Variants in HSD17B12 observed in about 807,000 individuals in gnomAD.
HSD17B12 encodes very-long-chain 3-oxoacyl-CoA reductase.
A neutral mutation model predicts 39.3 loss-of-function variants in HSD17B12; 32 were observed. The observed-to-expected ratio is 0.81, with a 90% CI of 0.61 to 1.09. The LOEUF is 1.09. Ranked by LOEUF, HSD17B12 falls within the 50% of genes least tolerant of loss-of-function variation. The pLI is 0.00. For missense variants in HSD17B12, 342 were observed against 382.9 expected, an observed-to-expected ratio of 0.89 and a Z score of 0.89; for synonymous variants, 150 against 146.7, an observed-to-expected ratio of 1.02 and a Z score of -0.16.
rs567860319 is a variant in HSD17B12, at chr11:43,746,419, C to T, written c.161-4492C>T. Among the ~76,000 whole-genome samples the T allele has an allele frequency of 1.9e-3, 282 of 152,160 alleles. 7 individuals carry two copies. Among genetic ancestry groups the T allele is most frequent in the Non-Finnish European group, 2.5e-4 (17 of 68,008 alleles). ...TAAAAACAGAGATATAAAACATACA[C>T]ACTGGCCTGGGCCTACACCAGGTCA... On this transcript the variant is annotated intron_variant, in intron 1 of 10. Coordinates refer to ENST00000278353, the MANE Select transcript of HSD17B12 (RefSeq NM_016142.3).
chr11:43,623,418 A>G, the HSD17B12 span, among the ~76,000 whole-genome samples: 1 of 151,884 alleles, frequency 6.6e-6, no homozygotes. Context: ...ATATTCCTCA[A>G]ACAACATGAT....
intron 3 of HSD17B12, chr11:43,755,498 T>C (rs1431919966): frequency 1.3e-5 from 2 of 152,238 alleles, no homozygotes; most frequent in Admixed American, 6.5e-5. Context: ...CATTTATACA[T>C]GGTTTAAGTG....
chr11:43,807,828 A>T (rs570567287), intron 4 of HSD17B12, among the ~76,000 whole-genome samples: 3 of 152,268 alleles, frequency 2.0e-5, no homozygotes, highest in Admixed American at 2.0e-4. Context: ...AAAGAAGAAG[A>T]AGAATGGTTT....
At chr11:43,634,576 C>T in the HSD17B12 span, among the ~76,000 whole-genome samples, 4 of 152,294 alleles carry the variant, frequency 2.6e-5, no homozygotes, top group South Asian at 2.1e-4. Flanking sequence ...TGTGTGACTA[C>T]GTTTAAGTAT....
chr11:43,610,832 A>C, the HSD17B12 span, among the ~76,000 whole-genome samples: 1 of 152,192 alleles, frequency 6.6e-6, no homozygotes, highest in Non-Finnish European at 1.5e-5. Context: ...CACACTGAGT[A>C]TGCATGCACT....
chr11:43,690,395 TATATATA>T (rs1949849142), intron 1 of HSD17B12, among the ~76,000 whole-genome samples: 3 of 35,512 alleles, frequency 8.4e-5, no homozygotes, highest in African/African-American at 1.5e-4. Flanking sequence ...TATATATATA[TATATATA>T]TATTTTTTTT....
intron 1 of HSD17B12, among the ~76,000 whole-genome samples, chr11:43,744,720 G>T (rs1457869949): frequency 6.6e-6 from 1 of 152,146 alleles, no homozygotes; most frequent in East Asian, 1.9e-4. Flanking sequence ...ATCAATATTG[G>T]TTCATGTGTA....
At chr11:43,653,516 G>A in the HSD17B12 span, among the ~76,000 whole-genome samples, 1 of 151,704 alleles carries the variant, frequency 6.6e-6, no homozygotes, top group African/African-American at 2.4e-5. Context: ...TTGTCATTTA[G>A]CATTAGGTAT....
chr11:43,710,410 A>G (rs757768741), intron 1 of HSD17B12, among the ~76,000 whole-genome samples: 13 of 152,170 alleles, frequency 8.5e-5, no homozygotes, highest in African/African-American at 1.2e-4. Flanking sequence ...TTTTACTTGA[A>G]CCATCTTTTG....
intron 6 of HSD17B12, among the ~76,000 whole-genome samples, chr11:43,828,705 A>G (rs1308676760): frequency 6.6e-6 from 1 of 152,184 alleles, no homozygotes; most frequent in Non-Finnish European, 1.5e-5. Flanking sequence ...GAGCTGTGAA[A>G]TGGAGTTCAG....
At chr11:43,801,203 A>AGC (rs1950964246) in intron 4 of HSD17B12, among the ~76,000 whole-genome samples, 1 of 152,138 alleles carries the variant, frequency 6.6e-6, no homozygotes. Context: ...TAGGAAATAT[A>AGC]ACATGAAACA....
At chr11:43,842,751 T>C (rs756587471) in intron 9 of HSD17B12, among the ~76,000 whole-genome samples, 2 of 152,224 alleles carry the variant, frequency 1.3e-5, no homozygotes, top group Non-Finnish European at 2.9e-5. Flanking sequence ...GAATAGTTTG[T>C]AAACACCTAT....
Position 43,817,004 on chromosome 11 carries a change from C to A in HSD17B12, c.501+613C>A, listed in dbSNP as rs61883828. Among the ~76,000 whole-genome samples the A allele has an allele frequency of 1.1e-3, 110 of 100,158 alleles. 1 individual carries two copies. The highest frequency in any genetic ancestry group is 1.7e-3 in the South Asian group (6 of 3,458). 65.7% of individuals were successfully genotyped at this position (100,158 alleles called of 152,430 possible). A position where few individuals can be genotyped will look rare whatever the true frequency, so the allele number is the denominator to read the frequency against. Reference sequence around the variant, plus strand: ...TATATATCTATATCTATATCTATATCTATATCTATATCTATATCTATATCT... The same window carrying A: ...TATATATCTATATCTATATCTATATATATATCTATATCTATATCTATATCT... On this transcript the variant is annotated intron_variant, in intron 6 of 10. Transcript: ENST00000278353.
At chr11:43,586,144 A>T in the HSD17B12 span, among the ~76,000 whole-genome samples, 9 of 152,174 alleles carry the variant, frequency 5.9e-5, no homozygotes, top group Admixed American at 2.6e-4. Flanking sequence ...CACATAATAC[A>T]GCTAATCCAT....
intron 6 of HSD17B12, among the ~76,000 whole-genome samples, chr11:43,822,345 T>TA (rs1951191221): frequency 6.6e-6 from 1 of 152,192 alleles, no homozygotes; most frequent in Non-Finnish European, 1.5e-5. Flanking sequence ...AATATTTTTT[T>TA]ATTATACTTA....
chr11:43,637,175 T>C, the HSD17B12 span, among the ~76,000 whole-genome samples: 6 of 151,740 alleles, frequency 4.0e-5, no homozygotes, highest in African/African-American at 1.5e-4. Context: ...AGGGTGAGAC[T>C]GATGATGGTA....
At chr11:43,733,101 G>GAAAAAA (rs1379477504) in intron 1 of HSD17B12, among the ~76,000 whole-genome samples, 2 of 152,192 alleles carry the variant, frequency 1.3e-5, no homozygotes, top group South Asian at 4.1e-4. Context: ...TAAAGGTAAT[G>GAAAAAA]AAAAATAAAG....
At chr11:43,722,888 G>C (rs1255460146) in intron 1 of HSD17B12, among the ~76,000 whole-genome samples, 1 of 152,096 alleles carries the variant, frequency 6.6e-6, no homozygotes, top group African/African-American at 2.4e-5. Context: ...TGAGTAATGG[G>C]AAGTCACTGA....
At chr11:43,734,800 C>T (rs914563892) in intron 1 of HSD17B12, among the ~76,000 whole-genome samples, 10 of 152,202 alleles carry the variant, frequency 6.6e-5, no homozygotes, top group Non-Finnish European at 1.5e-4. Flanking sequence ...TAACCATTAA[C>T]GAATTCACAG....
Sources: allele counts gnomAD v4.1 joint callset (sites outside exome capture counted in the v4.1 genomes callset), GRCh38; gene constraint gnomAD v4.1.1; transcripts MANE v1.5; gene names NCBI Gene and HGNC (gene_info 2026-07-23, HGNC 2026-07-21).